The following SMAD2 variants were observed in gnomAD, a reference collection of about 807,000 sequenced individuals.
SMAD2 encodes SMAD family member 2, also known as MAD homolog 2.
A neutral mutation model predicts 64.4 loss-of-function variants in SMAD2; 8 were observed. That is an observed-to-expected ratio of 0.12 (90% CI 0.07 to 0.22). The LOEUF is 0.22. Among genes scored for constraint, SMAD2 ranks in the 10% least tolerant of loss-of-function variants. The pLI, the probability that SMAD2 is intolerant of heterozygous loss-of-function variation, is 1.00. For synonymous variants in SMAD2, 203 were observed against 195.8 expected, an observed-to-expected ratio of 1.04 and a Z score of -0.31; for missense variants, 289 against 561.2, an observed-to-expected ratio of 0.51 and a Z score of 4.90.
chr18:47,871,562 C>T (rs986891872), intron 2 of SMAD2, among the ~76,000 whole-genome samples: 2 of 152,180 alleles, frequency 1.3e-5, no homozygotes, highest in African/African-American at 4.8e-5. Flanking sequence ...TATCAGGCTG[C>T]AGGAACACAT....
At chr18:47,919,467 A>ATACACACAC (rs1322969096) in intron 1 of SMAD2, among the ~76,000 whole-genome samples, 1 of 87,070 alleles carries the variant, frequency 1.1e-5, no homozygotes, top group African/African-American at 4.9e-5. Context: ...CAAAAAAAAA[A>ATACACACAC]ATACACACAC....
At position 47,812,302 on chromosome 18, in the gene SMAD2, C is replaced by T. The variant is rs530742907; in HGVS notation, c.*29525G>A. 2 of 152,296 alleles carry T rather than the reference C, an allele frequency of 1.3e-5. No homozygotes were observed. The highest frequency in any genetic ancestry group is 2.9e-5 in the Non-Finnish European group (2 of 68,038). 9.4% of individuals were successfully genotyped at this position (152,296 alleles called of 1,614,324 possible). A position where few individuals can be genotyped will look rare whatever the true frequency, so the allele number is the denominator to read the frequency against. On this transcript the variant is annotated 3_prime_UTR_variant, in exon 11 of 11. Coordinates refer to ENST00000262160, the MANE Select transcript of SMAD2 (RefSeq NM_005901.6). ...GATGCCATGTAAGATGTGTCTTGCT[C>T]CCCCTTCACCTTCTGCCATAATTGT...
chr18:47,881,698 TC>T (rs1351011365), intron 2 of SMAD2, among the ~76,000 whole-genome samples: 1 of 152,192 alleles, frequency 6.6e-6, no homozygotes, highest in Non-Finnish European at 1.5e-5. Context: ...ATTAAGTAAA[TC>T]CTTAGCTGTT....
At chr18:47,888,124 G>T (rs1394291168) in intron 2 of SMAD2, among the ~76,000 whole-genome samples, 1 of 151,810 alleles carries the variant, frequency 6.6e-6, no homozygotes, top group African/African-American at 2.4e-5. Context: ...ATAACATTCT[G>T]CTATAGTTCC....
rs763862923 is a variant in SMAD2 at position 47,829,708 on chromosome 18, G to A, written c.*12119C>T. On this transcript the variant is annotated 3_prime_UTR_variant, in exon 11 of 11. Transcript: ENST00000262160. ...CACTTTGGCAAATAAAAACTGCACC[G>A]TATGACATGTCACATAGAAATTGTT... is the stretch of plus-strand genomic sequence containing the variant. 23 of 152,180 alleles carry A rather than the reference G, an allele frequency of 1.5e-4. No individual in the cohort carries two copies. Among genetic ancestry groups the A allele is most frequent in the Non-Finnish European group, 1.0e-4 (7 of 68,024 alleles). 9.4% of individuals were successfully genotyped at this position (152,180 alleles called of 1,614,324 possible). A position where few individuals can be genotyped will look rare whatever the true frequency, so the allele number is the denominator to read the frequency against.
rs1238193883 is a variant in SMAD2, at chr18:47,820,786, G to C, written c.*21041C>G. ...GGTCAGAATGAAATCATAAGACATT[G>C]AGCTTACATATATACTTGTACATAT... On this transcript the variant is annotated 3_prime_UTR_variant, in exon 11 of 11. Coordinates refer to ENST00000262160, the MANE Select transcript of SMAD2 (RefSeq NM_005901.6). The C allele has an allele frequency of 6.6e-6, 1 of 151,992 alleles. No individual in the cohort carries two copies. Among genetic ancestry groups the C allele is most frequent in the East Asian group, 1.9e-4 (1 of 5,180 alleles). 9.4% of individuals were successfully genotyped at this position (151,992 alleles called of 1,614,324 possible).
rs1488375424 is a variant in SMAD2 at position 47,906,070 on chromosome 18, A to G, written c.-53-9261T>C. 3.8e-4 allele frequency among the ~76,000 whole-genome samples: 58 copies of G among 151,708 alleles called. 1 individual carries two copies. Among genetic ancestry groups the G allele is most frequent in the Admixed American group, 3.8e-3 (58 of 15,180 alleles). On this transcript the variant is annotated intron_variant, in intron 1 of 10. Transcript: ENST00000262160. ...GCGGAGGCTGCAGTGAGCCAAGATC[A>G]CTCCATTGCACTCCAGGCTGAGTGG... is the stretch of plus-strand genomic sequence containing the variant.
chr18:47,844,653 T>A (rs900405767), intron 10 of SMAD2, among the ~76,000 whole-genome samples: 1 of 152,200 alleles, frequency 6.6e-6, no homozygotes, highest in Admixed American at 6.5e-5. Flanking sequence ...CTTGGGCAAA[T>A]TATCAGCTTT....
rs1912887333 is a variant in SMAD2, at chr18:47,828,991, T to C, written c.*12836A>G. 8.0e-6 allele frequency: 1 copy of C among 125,420 alleles called. No individual in the cohort carries two copies. The highest frequency in any genetic ancestry group is 2.9e-4 in the South Asian group (1 of 3,472). 7.8% of individuals were successfully genotyped at this position (125,420 alleles called of 1,614,324 possible). ...TTTAGTTCAAGTTGAGACCAAAGAC[T>C]GTGCTATTATGGGGTGGAGAAAAGT... On this transcript the variant is annotated 3_prime_UTR_variant, in exon 11 of 11. Coordinates refer to ENST00000262160, the MANE Select transcript of SMAD2 (RefSeq NM_005901.6).
At chr18:47,851,357 A>G in intron 6 of SMAD2, 30 bp from the exon 7 acceptor site, 2 of 1,470,600 alleles carry the variant, frequency 1.4e-6, no homozygotes, top group Non-Finnish European at 1.9e-6. Context: ...AAATAAATGA[A>G]GTATTTCCAG....
intron 1 of SMAD2, among the ~76,000 whole-genome samples, chr18:47,904,277 G>A (rs1264090836): frequency 6.7e-6 from 1 of 149,752 alleles, no homozygotes; most frequent in Non-Finnish European, 1.5e-5. Context: ...ACTATGACGG[G>A]AGAGGCAGGA....
chr18:47,892,172 T>C (rs2033226440), intron 2 of SMAD2, among the ~76,000 whole-genome samples: 2 of 151,808 alleles, frequency 1.3e-5, no homozygotes, highest in Non-Finnish European at 2.9e-5. Flanking sequence ...GAGTCATCCT[T>C]GAATGACAAT....
intron 1 of SMAD2, among the ~76,000 whole-genome samples, chr18:47,919,439 C>T (rs897784364): frequency 1.2e-4 from 18 of 146,444 alleles, no homozygotes; most frequent in African/African-American, 4.3e-4. Context: ...AACTAGACAA[C>T]AGAGTGTGAC....
chr18:47,892,411 G>A lies in SMAD2; in HGVS notation c.236+4110C>T, dbSNP rs530043633. 4.6e-5 allele frequency among the ~76,000 whole-genome samples: 7 copies of A among 152,218 alleles called. No individual in the cohort carries two copies. The East Asian group carries it at 1.4e-3, about 29-fold the overall frequency. On this transcript the variant is annotated intron_variant, in intron 2 of 10. Coordinates refer to ENST00000262160, the MANE Select transcript of SMAD2 (RefSeq NM_005901.6). ...GACCGGGTTTCACTATGTTGGCCAG[G>A]CTAGTCTGAAACTCCTGACCTCAGG...
chr18:47,907,167 C>T (rs1191254930), intron 1 of SMAD2, among the ~76,000 whole-genome samples: 2 of 152,124 alleles, frequency 1.3e-5, no homozygotes, highest in Non-Finnish European at 2.9e-5. Context: ...CATAGATCTA[C>T]CCTGTATCAC....
At chr18:47,888,715 C>T (rs939471508) in intron 2 of SMAD2, among the ~76,000 whole-genome samples, 1 of 152,148 alleles carries the variant, frequency 6.6e-6, no homozygotes, top group Admixed American at 6.5e-5. Flanking sequence ...GTCAAATACT[C>T]TGGGGAGAGC....
chr18:47,842,750 G>A lies in SMAD2; in HGVS notation c.1281-800C>T, dbSNP rs558082742. Among the ~76,000 whole-genome samples the A allele has an allele frequency of 5.3e-5, 8 of 152,244 alleles. No homozygotes were observed. The South Asian group carries it at 1.7e-3, about 32-fold the overall frequency. On this transcript the variant is annotated intron_variant, in intron 10 of 10. Coordinates refer to ENST00000262160, the MANE Select transcript of SMAD2 (RefSeq NM_005901.6). Reference sequence around the variant, plus strand: ...ACACCACAGAGAGTGTTAAAAGCTGGAATTCAACTTTCCCTGCCAAAGCCA... The same window carrying A: ...ACACCACAGAGAGTGTTAAAAGCTGAAATTCAACTTTCCCTGCCAAAGCCA...
chr18:47,852,996 T>C (rs2030275597), intron 6 of SMAD2, among the ~76,000 whole-genome samples: 1 of 152,196 alleles, frequency 6.6e-6, no homozygotes, highest in Non-Finnish European at 1.5e-5. Flanking sequence ...TAAAAGAGCA[T>C]GACCCAAGCT....
rs145554044 is a variant in SMAD2 at position 47,814,768 on chromosome 18, T to C, written c.*27059A>G. 9.7e-4 allele frequency: 148 copies of C among 152,302 alleles called. No individual in the cohort carries two copies. Among genetic ancestry groups the C allele is most frequent in the Non-Finnish European group, 1.6e-3 (108 of 68,076 alleles). 9.4% of individuals were successfully genotyped at this position (152,302 alleles called of 1,614,324 possible). On this transcript the variant is annotated 3_prime_UTR_variant, in exon 11 of 11. Transcript: ENST00000262160. ...GAGGTGTCTAGTCAGTCTGAGAAAA[T>C]GTTGGCTTCCCAAAGCTTGAGCAAG...
Sources: allele counts gnomAD v4.1 joint callset (sites outside exome capture counted in the v4.1 genomes callset), GRCh38; gene constraint gnomAD v4.1.1; transcripts MANE v1.5; gene names NCBI Gene and HGNC (gene_info 2026-07-23, HGNC 2026-07-21).